SLC28A1: variants seen among roughly 807,000 people sequenced by gnomAD.
SLC28A1 encodes solute carrier family 28 member 1.
SLC28A1 carries 64 observed loss-of-function variants against 74.8 expected under a neutral mutation model. That is an observed-to-expected ratio of 0.86 (90% CI 0.70 to 1.05). The LOEUF (loss-of-function observed/expected upper bound fraction) is 1.05. Ranked by LOEUF, SLC28A1 falls within the 50% of genes least tolerant of loss-of-function variation. SLC28A1 has a pLI of 0.00. For synonymous variants in SLC28A1, 359 were observed against 335.0 expected, an observed-to-expected ratio of 1.07 and a Z score of -0.78; for missense variants, 828 against 822.8, an observed-to-expected ratio of 1.01 and a Z score of -0.08.
chr15:84,928,570 CTTTCTTTCTTTCTTTCTTT>C (rs1970818216), intron 12 of SLC28A1, among the ~76,000 whole-genome samples: 1 of 17,724 alleles, frequency 5.6e-5, no homozygotes, highest in African/African-American at 4.5e-4. Flanking sequence ...TTCTTTCTTT[CTTTCTTTCTTTCTTTCTTT>C]CTTTCTTTCT....
chr15:84,946,393 G>A (rs573950064), downstream of SLC28A1, among the ~76,000 whole-genome samples: 87 of 152,040 alleles, frequency 5.7e-4, no homozygotes, highest in African/African-American at 2.0e-3. Context: ...TGTGTGCCAG[G>A]CACTGTTCTC....
intron 9 of SLC28A1, 61 bp downstream of exon 9, chr15:84,908,856 A>G (rs1967707814): frequency 1.4e-6 from 2 of 1,402,320 alleles, no homozygotes; most frequent in African/African-American, 1.4e-5. Context: ...CTCCAGCTAG[A>G]GGGGAGTCTG....
At chr15:84,950,450 G>T (rs912560937), downstream of SLC28A1, among the ~76,000 whole-genome samples, 1 of 151,256 alleles carries the variant, frequency 6.6e-6, no homozygotes, top group African/African-American at 2.4e-5. Flanking sequence ...TCAGCTAGGC[G>T]CGGTAGCTCA....
rs577872644 is a variant in SLC28A1, at chr15:84,926,048, GTTT to G, written c.1083+1943_1083+1945del. On this transcript the variant is annotated intron_variant, in intron 12 of 18. Transcript: ENST00000394573. ...TATTTTATTCTATATATAATATTTT[GTTT>G]TTTTATTTTATTCTATATATAATAT... 5.4e-4 allele frequency among the ~76,000 whole-genome samples: 78 copies of G among 143,250 alleles called. No homozygotes were observed. The South Asian group carries it at 0.013, about 24-fold the overall frequency. 94.0% of individuals were successfully genotyped at this position (143,250 alleles called of 152,430 possible). A position where few individuals can be genotyped will look rare whatever the true frequency, so the allele number is the denominator to read the frequency against.
Position 84,945,112 on chromosome 15 carries a change from G to C in SLC28A1, c.1875-13G>C. On this transcript the variant is annotated splice_polypyrimidine_tract_variant and intron_variant, in intron 18 of 18. Coordinates refer to ENST00000394573, the MANE Select transcript of SLC28A1 (RefSeq NM_004213.5). Reference sequence around the variant, plus strand: ...GCCTGGAGCTCCCACTGCGATCTTTGCTTTCTTTTTAGCGTCAATCCAGAG... The same window carrying C: ...GCCTGGAGCTCCCACTGCGATCTTTCCTTTCTTTTTAGCGTCAATCCAGAG... The C allele has an allele frequency of 1.9e-6, 3 of 1,613,856 alleles. No homozygotes were observed. The highest frequency in any genetic ancestry group is 1.7e-6 in the Non-Finnish European group (2 of 1,179,790).
chr15:84,885,423 C>T (rs913556623), intron 1 of SLC28A1, among the ~76,000 whole-genome samples: 7 of 151,366 alleles, frequency 4.6e-5, no homozygotes, highest in African/African-American at 1.5e-4. Flanking sequence ...AAATAACATA[C>T]ATTTAGGAAA....
intron 6 of SLC28A1, among the ~76,000 whole-genome samples, chr15:84,901,570 A>G (rs1391570210): frequency 6.6e-6 from 1 of 152,248 alleles, no homozygotes; most frequent in African/African-American, 2.4e-5. Context: ...ATGAACAGAC[A>G]TTTAAAGAAG....
chr15:84,955,315 C>T, the SLC28A1 span, among the ~76,000 whole-genome samples: 9 of 152,100 alleles, frequency 5.9e-5, no homozygotes, highest in African/African-American at 1.2e-4. Flanking sequence ...TTTTATGCAA[C>T]GGGTTTGGGA....
intron 6 of SLC28A1, among the ~76,000 whole-genome samples, chr15:84,897,343 A>G (rs1261254997): frequency 6.6e-6 from 1 of 152,004 alleles, no homozygotes; most frequent in Non-Finnish European, 1.5e-5. Context: ...CCAACATTGC[A>G]CCACTGCACT....
chr15:84,959,440 C>T, the SLC28A1 span, among the ~76,000 whole-genome samples: 2 of 151,864 alleles, frequency 1.3e-5, no homozygotes, highest in East Asian at 1.9e-4. Flanking sequence ...TTAATTTTCT[C>T]TCTTTCATTT....
chr15:84,937,928 G>A (rs1363160189), intron 15 of SLC28A1, among the ~76,000 whole-genome samples: 1 of 151,106 alleles, frequency 6.6e-6, no homozygotes, highest in Non-Finnish European at 1.5e-5. Flanking sequence ...AACCAGGCAT[G>A]GTGGCTCACA....
At chr15:84,909,124 C>T (rs1396801531) in intron 9 of SLC28A1, among the ~76,000 whole-genome samples, 1 of 152,200 alleles carries the variant, frequency 6.6e-6, no homozygotes. Context: ...GGGGACAGCT[C>T]CTGCTGAGAC....
intron 15 of SLC28A1, among the ~76,000 whole-genome samples, chr15:84,941,444 A>G (rs959661203): frequency 5.9e-5 from 9 of 151,698 alleles, no homozygotes; most frequent in East Asian, 5.8e-4. Context: ...TGAACTTGTG[A>G]TCTGCCCACC....
intron 6 of SLC28A1, chr15:84,895,535 A>T: frequency 6.4e-7 from 1 of 1,554,332 alleles, no homozygotes; most frequent in Non-Finnish European, 8.7e-7. Context: ...CCTCCAGGGG[A>T]TTCTGATGTA....
rs767914663 is a variant in SLC28A1 at position 84,923,945 on chromosome 15, C to T, written c.958-40C>T. The T allele has an allele frequency of 8.7e-6, 14 of 1,613,816 alleles. No homozygotes were observed. In the East Asian group the frequency reaches 1.6e-4, roughly 18 times the overall value. The stretch of plus-strand genomic sequence containing the variant: ...TGTGAAGGGAGAGGATGTGCCCAAT[C>T]ACCCCCACCCTGCTTGTCTGACATC... On this transcript the variant is annotated intron_variant, in intron 11 of 18. Transcript: ENST00000394573.
At chr15:84,938,149 A>G (rs1251410556) in intron 15 of SLC28A1, among the ~76,000 whole-genome samples, 2 of 151,664 alleles carry the variant, frequency 1.3e-5, no homozygotes, top group Non-Finnish European at 2.9e-5. Context: ...GCAGTGAGCC[A>G]AGATTACACC....
chr15:84,971,325 T>A, the SLC28A1 span, among the ~76,000 whole-genome samples: 1 of 152,128 alleles, frequency 6.6e-6, no homozygotes, highest in African/African-American at 2.4e-5. Context: ...TGATCCCCAG[T>A]GTTGGAGGTG....
At chr15:84,919,839 T>C (rs1969587370) in intron 10 of SLC28A1, among the ~76,000 whole-genome samples, 1 of 152,184 alleles carries the variant, frequency 6.6e-6, no homozygotes, top group Non-Finnish European at 1.5e-5. Context: ...GGTGGGGATA[T>C]TCAAACCATA....
At chr15:84,951,687 A>G in the SLC28A1 span, among the ~76,000 whole-genome samples, 2 of 152,124 alleles carry the variant, frequency 1.3e-5, no homozygotes, top group African/African-American at 4.8e-5. Context: ...CAAAGTGCCC[A>G]TCATCCCTGC....
Sources: gnomAD v4.1 joint callset for allele counts (sites outside exome capture counted in the v4.1 genomes callset) on GRCh38, gnomAD v4.1.1 for gene constraint, MANE v1.5 for transcripts, NCBI Gene and HGNC (gene_info 2026-07-23, HGNC 2026-07-21) for gene names.